RBMS3: variants seen among roughly 807,000 people sequenced by gnomAD.
The protein encoded by RBMS3 is RNA binding motif single stranded interacting protein 3.
In RBMS3, 27 loss-of-function variants were observed where a neutral mutation model predicts 66.8. The ratio of observed to expected loss-of-function variants is 0.40; its 90% CI spans 0.30 to 0.56. RBMS3 has a LOEUF of 0.56. Among genes scored for constraint, RBMS3 ranks in the 20% least tolerant of loss-of-function variants. The probability of loss-of-function intolerance (pLI) is 0.40; values close to 1 mark genes in which losing one functional copy is unlikely to be tolerated. For synonymous variants in RBMS3, 188 were observed against 183.0 expected, an observed-to-expected ratio of 1.03 and a Z score of -0.22; for missense variants, 513 against 549.5, an observed-to-expected ratio of 0.93 and a Z score of 0.66.
At chr3:29,643,482 G>A (rs559573937) in intron 4 of RBMS3, among the ~76,000 whole-genome samples, 1 of 152,106 alleles carries the variant, frequency 6.6e-6, no homozygotes, top group East Asian at 1.9e-4. Flanking sequence ...GGGTGTCTTA[G>A]CTTAGCTTCA....
chr3:29,318,092 C>T (rs956072418), intron 1 of RBMS3, among the ~76,000 whole-genome samples: 1 of 151,744 alleles, frequency 6.6e-6, no homozygotes, highest in Non-Finnish European at 1.5e-5. Flanking sequence ...TATTGTCCTG[C>T]AAGTCTTCAG....
At chr3:29,531,622 G>A (rs549296416) in intron 3 of RBMS3, among the ~76,000 whole-genome samples, 22 of 152,254 alleles carry the variant, frequency 1.4e-4, no homozygotes, top group Admixed American at 4.6e-4. Context: ...CCTTGTTTGC[G>A]GCGTCTGATG....
At chr3:29,815,350 G>A (rs887888232) in intron 6 of RBMS3, among the ~76,000 whole-genome samples, 5 of 152,020 alleles carry the variant, frequency 3.3e-5, no homozygotes, top group African/African-American at 4.8e-5. Context: ...TTAGAACTTC[G>A]AAGACTTAAA....
chr3:29,693,464 G>C (rs2052127517), intron 4 of RBMS3, among the ~76,000 whole-genome samples: 1 of 152,106 alleles, frequency 6.6e-6, no homozygotes, highest in Admixed American at 6.6e-5. Context: ...TAAACAGGGG[G>C]ATGGGAAAAG....
chr3:29,688,310 A>C (rs971021897), intron 4 of RBMS3, among the ~76,000 whole-genome samples: 17 of 152,104 alleles, frequency 1.1e-4, no homozygotes, highest in African/African-American at 3.9e-4. Context: ...GATCCAAAAA[A>C]TACTTATCGC....
At chr3:29,363,609 C>T (rs1036266583) in intron 1 of RBMS3, among the ~76,000 whole-genome samples, 5 of 151,874 alleles carry the variant, frequency 3.3e-5, no homozygotes, top group Non-Finnish European at 4.4e-5. Flanking sequence ...GCCGATATGG[C>T]GAAACCCCAT....
chr3:29,368,042 G>A (rs1015604074), intron 1 of RBMS3, among the ~76,000 whole-genome samples: 8 of 152,178 alleles, frequency 5.3e-5, no homozygotes, highest in Non-Finnish European at 1.2e-4. Context: ...ACAACTCACT[G>A]AAACTGTAAC....
At chr3:29,292,755 G>A (rs2032924876) in intron 1 of RBMS3, among the ~76,000 whole-genome samples, 1 of 151,790 alleles carries the variant, frequency 6.6e-6, no homozygotes, top group African/African-American at 2.4e-5. Context: ...AGAGAAGAAA[G>A]AGAAAATGAA....
At chr3:29,724,716 G>T (rs1234986142) in intron 4 of RBMS3, among the ~76,000 whole-genome samples, 1 of 152,080 alleles carries the variant, frequency 6.6e-6, no homozygotes, top group Non-Finnish European at 1.5e-5. Flanking sequence ...ATGTAGCTGA[G>T]ACACCGTTTA....
At chr3:29,452,419 C>CTAGAAATT (rs1376900604) in intron 2 of RBMS3, among the ~76,000 whole-genome samples, 2 of 152,104 alleles carry the variant, frequency 1.3e-5, no homozygotes, top group Non-Finnish European at 2.9e-5. Flanking sequence ...ATATTTTACT[C>CTAGAAATT]TGTGATCTAG....
chr3:29,801,005 GCACACA>G (rs3070792), intron 6 of RBMS3, among the ~76,000 whole-genome samples: 22 of 148,932 alleles, frequency 1.5e-4, no homozygotes, highest in African/African-American at 4.9e-4. Context: ...ACACACGCAT[GCACACA>G]CACACACACA....
intron 1 of RBMS3, among the ~76,000 whole-genome samples, chr3:29,414,877 T>C (rs922759490): frequency 2.0e-5 from 3 of 152,150 alleles, no homozygotes; most frequent in Non-Finnish European, 4.4e-5. Context: ...ATCCCATGAG[T>C]AGTAAATTTC....
chr3:29,586,243 A>G (rs571167944), intron 3 of RBMS3, among the ~76,000 whole-genome samples: 2 of 152,224 alleles, frequency 1.3e-5, no homozygotes, highest in East Asian at 1.9e-4. Flanking sequence ...GGCAGTTAAC[A>G]TTACTGTTAG....
intron 12 of RBMS3, among the ~76,000 whole-genome samples, chr3:29,960,539 G>A (rs958840584): frequency 3.9e-5 from 6 of 152,192 alleles, no homozygotes; most frequent in South Asian, 4.1e-4. Flanking sequence ...GGGGGACTCT[G>A]TGTGGGAACT....
At chr3:29,919,507 G>A (rs2060716274) in intron 10 of RBMS3, among the ~76,000 whole-genome samples, 2 of 152,308 alleles carry the variant, frequency 1.3e-5, no homozygotes, top group South Asian at 4.1e-4. Flanking sequence ...TGAACTTTGT[G>A]AAGTCAATCA....
At chr3:29,937,842 A>G (rs1370899694) in intron 11 of RBMS3, among the ~76,000 whole-genome samples, 1 of 152,098 alleles carries the variant, frequency 6.6e-6, no homozygotes, top group Middle Eastern at 3.4e-3. Context: ...TCCTAGGAAT[A>G]GTATCAGAAG....
chr3:29,830,136 G>A (rs2058332501), intron 6 of RBMS3, among the ~76,000 whole-genome samples: 1 of 151,926 alleles, frequency 6.6e-6, no homozygotes, highest in Non-Finnish European at 1.5e-5. Context: ...TTTAGTGGGA[G>A]GTAGTCTTTT....
At chr3:29,644,365 G>C (rs1452170013) in intron 4 of RBMS3, among the ~76,000 whole-genome samples, 1 of 152,246 alleles carries the variant, frequency 6.6e-6, no homozygotes, top group South Asian at 2.1e-4. Context: ...TTTTATTCCA[G>C]TAATTGTGGG....
At chr3:29,732,727 T>C (rs2054188148) in intron 4 of RBMS3, among the ~76,000 whole-genome samples, 1 of 152,104 alleles carries the variant, frequency 6.6e-6, no homozygotes, top group South Asian at 2.1e-4. Flanking sequence ...AGAAAAAACA[T>C]TTAGTTTTTA....
Sources: allele counts gnomAD v4.1 joint callset (sites outside exome capture counted in the v4.1 genomes callset), GRCh38; gene constraint gnomAD v4.1.1; transcripts MANE v1.5; gene names NCBI Gene and HGNC (gene_info 2026-07-23, HGNC 2026-07-21).